The following PDE11A variants were observed in gnomAD, a reference collection of about 807,000 sequenced individuals.
PDE11A encodes dual 3',5'-cyclic-AMP and -GMP phosphodiesterase 11A.
A neutral mutation model predicts 100.5 loss-of-function variants in PDE11A; 100 were observed. The ratio of observed to expected loss-of-function variants is 1.00; its 90% CI spans 0.85 to 1.18. PDE11A has a LOEUF of 1.18. Among genes scored for constraint, PDE11A ranks in the 50% most tolerant of loss-of-function variants. The pLI, the probability that PDE11A is intolerant of heterozygous loss-of-function variation, is 0.00. For synonymous variants in PDE11A, 381 were observed against 420.8 expected, an observed-to-expected ratio of 0.91 and a Z score of 1.16; for missense variants, 1,141 against 1,152.6, an observed-to-expected ratio of 0.99 and a Z score of 0.15.
chr2:178,043,968 C>A (rs2086714134), intron 1 of PDE11A, among the ~76,000 whole-genome samples: 1 of 152,174 alleles, frequency 6.6e-6, no homozygotes, highest in African/African-American at 2.4e-5. Context: ...GTGTTTAATA[C>A]AGCTCAAAAA....
chr2:177,754,380 C>G (rs1213418515), intron 10 of PDE11A, among the ~76,000 whole-genome samples: 3 of 152,208 alleles, frequency 2.0e-5, no homozygotes, highest in South Asian at 2.1e-4. Flanking sequence ...CAAAAAAACT[C>G]AAGGTTGTCC....
chr2:178,025,607 T>C (rs1212275164), intron 1 of PDE11A, among the ~76,000 whole-genome samples: 2 of 152,118 alleles, frequency 1.3e-5, no homozygotes, highest in African/African-American at 4.8e-5. Context: ...ACACCACACT[T>C]GAAACCAAAG....
chr2:177,808,473 C>T (rs1433182653), intron 9 of PDE11A, among the ~76,000 whole-genome samples: 1 of 152,144 alleles, frequency 6.6e-6, no homozygotes, highest in Admixed American at 6.6e-5. Flanking sequence ...AGCCATAGGA[C>T]TTGGAAAGAA....
At chr2:177,963,586 C>G (rs1257780867) in intron 2 of PDE11A, among the ~76,000 whole-genome samples, 1 of 152,242 alleles carries the variant, frequency 6.6e-6, no homozygotes, top group Non-Finnish European at 1.5e-5. Flanking sequence ...CTACTCTCCC[C>G]TGGTCCACCT....
intron 12 of PDE11A, among the ~76,000 whole-genome samples, chr2:177,718,393 A>G (rs1300212707): frequency 6.6e-6 from 1 of 152,212 alleles, no homozygotes; most frequent in African/African-American, 2.4e-5. Context: ...CACAGCTTTT[A>G]AATCCTATTG....
At chr2:178,057,576 T>C (rs1424805140) in intron 1 of PDE11A, among the ~76,000 whole-genome samples, 1 of 152,218 alleles carries the variant, frequency 6.6e-6, no homozygotes, top group Non-Finnish European at 1.5e-5. Context: ...ACATATGAAA[T>C]GCAGAATACA....
chr2:177,866,625 C>T (rs187805507), intron 5 of PDE11A, among the ~76,000 whole-genome samples: 2 of 152,328 alleles, frequency 1.3e-5, no homozygotes, highest in East Asian at 3.9e-4. Flanking sequence ...AGGAATGTAG[C>T]TGAAAGGCCT....
At position 177,706,888 on chromosome 2, in the gene PDE11A, G is replaced by A. The variant is rs572282381; in HGVS notation, c.2153+4881C>T. 4.8e-4 allele frequency among the ~76,000 whole-genome samples: 40 copies of A among 82,950 alleles called. No individual in the cohort carries two copies. In the South Asian group the frequency reaches 0.01, roughly 21 times the overall value. The allele number at this position is 82,950 out of a possible 152,430, so 54.4% of individuals were successfully genotyped here. A position where few individuals can be genotyped will look rare whatever the true frequency, so the allele number is the denominator to read the frequency against. On this transcript the variant is annotated intron_variant, in intron 13 of 19. Coordinates refer to ENST00000286063, the MANE Select transcript of PDE11A (RefSeq NM_016953.4). The stretch of plus-strand genomic sequence containing the variant: ...AAGCAACCTGAGATTTGGGGACCTC[G>A]GTTTTTGTTTTTTTTTGTAAAATTG...
intron 2 of PDE11A, among the ~76,000 whole-genome samples, chr2:178,002,613 G>A (rs1417823220): frequency 6.6e-6 from 1 of 152,060 alleles, no homozygotes; most frequent in Non-Finnish European, 1.5e-5. Context: ...GAAGTCGTGT[G>A]GTCGAATTGG....
intron 3 of PDE11A, among the ~76,000 whole-genome samples, chr2:177,899,004 A>G (rs2084657701): frequency 6.6e-6 from 1 of 152,160 alleles, no homozygotes; most frequent in African/African-American, 2.4e-5. Context: ...ACTCTTTAAA[A>G]CTAGATTCTG....
chr2:177,633,471 T>G (rs532685655), intron 19 of PDE11A, among the ~76,000 whole-genome samples: 192 of 152,210 alleles, frequency 1.3e-3, no homozygotes, highest in African/African-American at 4.5e-3. Context: ...GGAGTGGGGG[T>G]GGGGGTTGAA....
At chr2:177,728,946 G>C (rs778514820) in intron 10 of PDE11A, among the ~76,000 whole-genome samples, 8 of 152,100 alleles carry the variant, frequency 5.3e-5, no homozygotes, top group Non-Finnish European at 8.8e-5. Flanking sequence ...TCATTTGTAT[G>C]GTGATTTCAT....
intron 2 of PDE11A, among the ~76,000 whole-genome samples, chr2:177,922,320 T>A (rs1020896578): frequency 2.6e-5 from 4 of 152,106 alleles, no homozygotes; most frequent in African/African-American, 9.7e-5. Flanking sequence ...AAGACAGAAC[T>A]CATAATTAAA....
intron 6 of PDE11A, among the ~76,000 whole-genome samples, chr2:177,825,434 T>C (rs1169397617): frequency 6.6e-6 from 1 of 151,804 alleles, no homozygotes; most frequent in African/African-American, 2.4e-5. Flanking sequence ...GTGAGGAGAG[T>C]GAATTTTTCC....
At chr2:177,707,528 T>C (rs1341856916) in intron 13 of PDE11A, among the ~76,000 whole-genome samples, 5 of 152,176 alleles carry the variant, frequency 3.3e-5, no homozygotes, top group African/African-American at 1.2e-4. Flanking sequence ...CTGCTTCTCT[T>C]TGAATATCAG....
intron 19 of PDE11A, among the ~76,000 whole-genome samples, chr2:177,653,595 T>C (rs1180489865): frequency 6.6e-6 from 1 of 152,112 alleles, no homozygotes; most frequent in Admixed American, 6.5e-5. Context: ...AATCCAATGG[T>C]TTGTGTCTTT....
At chr2:177,652,601 G>A (rs2105462384) in intron 19 of PDE11A, among the ~76,000 whole-genome samples, 1 of 152,266 alleles carries the variant, frequency 6.6e-6, no homozygotes, top group Middle Eastern at 3.4e-3. Context: ...GTGGTGACAT[G>A]GAGCCTTGAG....
At chr2:178,097,518 A>G (rs764963916) in intron 2 of PDE11A, among the ~76,000 whole-genome samples, 23 of 152,208 alleles carry the variant, frequency 1.5e-4, no homozygotes, top group Non-Finnish European at 1.6e-4. Flanking sequence ...AACCACCCCC[A>G]TGATCCAATC....
At chr2:177,802,577 T>C (rs968235410) in intron 9 of PDE11A, among the ~76,000 whole-genome samples, 1 of 152,020 alleles carries the variant, frequency 6.6e-6, no homozygotes, top group Non-Finnish European at 1.5e-5. Context: ...ATTATGGTGG[T>C]TGAAAGAAGC....
Sources: allele counts gnomAD v4.1 joint callset (sites outside exome capture counted in the v4.1 genomes callset), GRCh38; gene constraint gnomAD v4.1.1; transcripts MANE v1.5; gene names NCBI Gene and HGNC (gene_info 2026-07-23, HGNC 2026-07-21).